Variants in GPM6B observed in about 807,000 individuals in gnomAD.
GPM6B encodes the protein glycoprotein M6B.
GPM6B carries 4 observed loss-of-function variants against 27.2 expected under a neutral mutation model. The ratio of observed to expected loss-of-function variants is 0.15; its 90% CI spans 0.07 to 0.34. The LOEUF is 0.34. GPM6B is among the 10% of genes least tolerant of loss of function. GPM6B has a pLI of 1.00. For missense variants in GPM6B, 183 were observed against 261.9 expected, an observed-to-expected ratio of 0.70 and a Z score of 2.08; for synonymous variants, 124 against 103.1, an observed-to-expected ratio of 1.20 and a Z score of -1.23.
intron 2 of GPM6B, among the ~76,000 whole-genome samples, chrX:13,807,077 A>G (rs2049035943): frequency 8.9e-6 from 1 of 112,481 alleles, no homozygotes; most frequent in Admixed American, 9.4e-5. Context: ...ACGAGCAAGG[A>G]AAATGGAAAC....
chrX:13,912,077 CTT>C (rs1308720917), intron 1 of GPM6B, among the ~76,000 whole-genome samples: 1 of 111,904 alleles, frequency 8.9e-6, no homozygotes, highest in Non-Finnish European at 1.9e-5. Flanking sequence ...GCGTTATTTC[CTT>C]TGTCCTACCA....
chrX:13,867,826 C>G (rs748257409), intron 1 of GPM6B, among the ~76,000 whole-genome samples: 9 of 111,856 alleles, frequency 8.0e-5, no homozygotes, highest in Non-Finnish European at 1.5e-4. Flanking sequence ...GGTGGTGGAA[C>G]AGGCTCAGTG....
rs182159246 is a variant in GPM6B, at chrX:13,839,806, C to G, written c.-197-53998G>C. 7.5e-4 allele frequency among the ~76,000 whole-genome samples: 84 copies of G among 111,887 alleles called. 1 individual carries two copies. Among genetic ancestry groups the G allele is most frequent in the African/African-American group, 2.5e-3 (78 of 30,769 alleles). On this transcript the variant is annotated intron_variant, in intron 1 of 6. Transcript: ENST00000398361. ...TAATGCAATCAGGTCAAAATCCTGA[C>G]AAGCCTTATTGTAGATACTGACAAG...
chrX:13,831,904 T>C, intron 1 of GPM6B, among the ~76,000 whole-genome samples: 1 of 111,409 alleles, frequency 9.0e-6, no homozygotes, highest in Non-Finnish European at 1.9e-5. Context: ...ACAAAATGGA[T>C]AAAATTTAGT....
chrX:13,932,994 T>G (rs1423356402), intron 1 of GPM6B, among the ~76,000 whole-genome samples: 5 of 109,262 alleles, frequency 4.6e-5, no homozygotes, highest in African/African-American at 1.7e-4. Context: ...ATTGTTATTC[T>G]GTGATAAAAG....
intron 1 of GPM6B, among the ~76,000 whole-genome samples, chrX:13,888,654 C>T (rs1019286875): frequency 1.8e-5 from 2 of 111,676 alleles, no homozygotes; most frequent in African/African-American, 6.5e-5. Flanking sequence ...TGCAGTCCCT[C>T]GCCACCACCA....
chrX:13,884,873 G>C (rs2050119627), intron 1 of GPM6B, among the ~76,000 whole-genome samples: 2 of 112,109 alleles, frequency 1.8e-5, no homozygotes, highest in African/African-American at 6.5e-5. Flanking sequence ...GCTTGTGTAA[G>C]TATTTGAAAT....
At chrX:13,922,995 G>A (rs935135122) in intron 1 of GPM6B, among the ~76,000 whole-genome samples, 2 of 111,706 alleles carry the variant, frequency 1.8e-5, no homozygotes, top group African/African-American at 6.5e-5. Flanking sequence ...GGCTAACACA[G>A]TGAAACCCAT....
At chrX:13,776,407 G>GCAAGACTGGGCACAGGCCTGCCTTCTCTT in intron 6 of GPM6B, 104 bp from the exon 7 acceptor site, 3 of 586,656 alleles carry the variant, frequency 5.1e-6, no homozygotes, top group East Asian at 6.9e-5. Flanking sequence ...GCTCTTCTCT[G>GCAAGACTGGGCACAGGCCTGCCTTCTCTT]CAAGACTGGG....
upstream of GPM6B, chrX:13,817,410 G>A: frequency 2.7e-6 from 2 of 730,974 alleles, no homozygotes; most frequent in Non-Finnish European, 3.2e-6. Context: ...CATCAGAGGA[G>A]GGGATGTGAA....
chrX:13,905,771 C>T (rs1428334533), intron 1 of GPM6B, among the ~76,000 whole-genome samples: 2 of 111,130 alleles, frequency 1.8e-5, no homozygotes, highest in Non-Finnish European at 3.8e-5. Context: ...AGCCTTGTAC[C>T]ACATGTACTT....
At chrX:13,826,110 C>T (rs970870458) in intron 1 of GPM6B, among the ~76,000 whole-genome samples, 3 of 111,299 alleles carry the variant, frequency 2.7e-5, no homozygotes, top group Non-Finnish European at 5.7e-5. Flanking sequence ...CACCTCATAG[C>T]CCTAAGAAGG....
At chrX:13,934,547 C>T (rs1200008876) in intron 1 of GPM6B, among the ~76,000 whole-genome samples, 1 of 111,600 alleles carries the variant, frequency 9.0e-6, no homozygotes, top group Non-Finnish European at 1.9e-5. Flanking sequence ...CTTCCTCCAC[C>T]AGTTCCCTTG....
chrX:13,791,323 C>T (rs1372788698), intron 2 of GPM6B, among the ~76,000 whole-genome samples: 1 of 110,560 alleles, frequency 9.0e-6, no homozygotes, highest in Non-Finnish European at 1.9e-5. Context: ...GAGTCTTATG[C>T]CTCAGCCTCC....
At chrX:13,924,964 T>C (rs1921097237) in intron 1 of GPM6B, among the ~76,000 whole-genome samples, 1 of 112,437 alleles carries the variant, frequency 8.9e-6, no homozygotes, top group East Asian at 2.8e-4. Flanking sequence ...AATCAATATC[T>C]TTCATGAAAA....
At chrX:13,910,297 T>C (rs1177771841) in intron 1 of GPM6B, among the ~76,000 whole-genome samples, 5 of 112,766 alleles carry the variant, frequency 4.4e-5, no homozygotes. Flanking sequence ...CCCTGCACAA[T>C]TACATCAGAA....
At chrX:13,866,161 T>C (rs969357100) in intron 1 of GPM6B, among the ~76,000 whole-genome samples, 7 of 111,426 alleles carry the variant, frequency 6.3e-5, no homozygotes, top group East Asian at 5.7e-4. Flanking sequence ...GTCGGGAGTT[T>C]GAGACCAGCC....
rs190480762 is a variant in GPM6B at position 13,775,613 on chromosome X, A to G, written c.837+625T>C. Among the ~76,000 whole-genome samples the G allele has an allele frequency of 2.6e-3, 289 of 112,065 alleles. 4 individuals are homozygous for G. The Admixed American group carries it at 0.027, about 10-fold the overall frequency. On this transcript the variant is annotated intron_variant, in intron 7 of 7. Coordinates refer to ENST00000316715, the MANE Select transcript of GPM6B (RefSeq NM_001001995.3). ...TTCATTCAGGCATAGGGATAGAGCT[A>G]TTGGCCATGAATTCAATATTAAGGA...
chrX:13,933,861 T>A (rs1394396371), intron 1 of GPM6B, among the ~76,000 whole-genome samples: 1 of 112,114 alleles, frequency 8.9e-6, no homozygotes. Context: ...TTGGCTGTGA[T>A]TTAATGTAAG....
Sources: gnomAD v4.1 joint callset for allele counts (sites outside exome capture counted in the v4.1 genomes callset) on GRCh38, gnomAD v4.1.1 for gene constraint, MANE v1.5 for transcripts, NCBI Gene and HGNC (gene_info 2026-07-23, HGNC 2026-07-21) for gene names.